VWA5B1: variants seen among roughly 807,000 people sequenced by gnomAD.
VWA5B1 encodes von Willebrand factor A domain-containing protein 5B1.
In VWA5B1, 115 loss-of-function variants were observed where a neutral mutation model predicts 118.2. That is an observed-to-expected ratio of 0.97 (90% CI 0.84 to 1.14). VWA5B1 has a LOEUF of 1.14. VWA5B1 is among the 50% of genes most tolerant of loss of function. The probability of loss-of-function intolerance (pLI) is 0.00; values close to 1 mark genes in which losing one functional copy is unlikely to be tolerated. For missense variants in VWA5B1, 1,596 were observed against 1,603.8 expected (o/e 1.00, Z 0.08); for synonymous variants, 682 against 658.4 (o/e 1.04, Z -0.55).
chr1:20,314,722 C>G, intron 4 of VWA5B1, 130 bp downstream of exon 4: 17 of 1,434,192 alleles, frequency 1.2e-5, no homozygotes, highest in Non-Finnish European at 1.6e-5. Context: ...ACGATTGCCA[C>G]CCTCTGAGCC....
intron 4 of VWA5B1, among the ~76,000 whole-genome samples, chr1:20,315,731 G>A (rs942348826): frequency 2.6e-5 from 4 of 152,318 alleles, no homozygotes; most frequent in South Asian, 4.1e-4. Flanking sequence ...TGTGGCTATC[G>A]CAGAGTGAGA....
intron 19 of VWA5B1, 136 bp downstream of exon 19, chr1:20,350,366 A>G: frequency 1.0e-6 from 1 of 974,292 alleles, no homozygotes; most frequent in Non-Finnish European, 1.5e-6. Context: ...CATGGGGAAT[A>G]GGATTATCCC....
At position 20,352,191 on chromosome 1, in the gene VWA5B1, G is replaced by A. The variant is rs1042089804; in HGVS notation, c.3141+19G>A. On this transcript the variant is annotated intron_variant, in intron 21 of 21. Coordinates refer to ENST00000289815, the MANE Select transcript of VWA5B1 (RefSeq NM_001039500.3). Reference sequence around the variant, plus strand: ...ACCTCTGGTGAGTGCCCTGACCCCAGGTGTCAGTCTCCCTCCGCTCCACTC... The same window carrying A: ...ACCTCTGGTGAGTGCCCTGACCCCAAGTGTCAGTCTCCCTCCGCTCCACTC... The A allele has an allele frequency of 7.2e-6, 11 of 1,538,436 alleles. No individual in the cohort carries two copies. In the Admixed American group the frequency reaches 1.4e-4, roughly 19 times the overall value.
In VWA5B1 at chr1:20,319,454, G is replaced by C. The variant is rs1401213959; in HGVS notation, c.914G>C (p.Gly305Ala). ...GGAGAGTTTGACCAGCACTTGAAGG[G>C]AAGAACAGATTTCATTAAAGGGATG... is the stretch of plus-strand genomic sequence containing the variant. ...TLGEFDQHLKGRTDFIKGMKK... is the reference protein window; with the variant it reads ...TLGEFDQHLKARTDFIKGMKK... The change falls in exon 7 of 22, where the codon GGA (glycine) becomes GCA (alanine). Residue 305 changes from glycine (G) to alanine (A), a missense_variant. By Grantham distance (60) the Gly-to-Ala change is moderately conservative. Coordinates refer to ENST00000289815, the MANE Select transcript of VWA5B1 (RefSeq NM_001039500.3). 1 of 1,551,816 alleles carries C rather than the reference G, an allele frequency of 6.4e-7. No individual in the cohort carries two copies. The highest frequency in any genetic ancestry group is 1.7e-4 in the Middle Eastern group (1 of 5,992).
In VWA5B1 at chr1:20,354,306, G is replaced by A; in HGVS notation, c.*43G>A. On this transcript the variant is annotated 3_prime_UTR_variant, in exon 22 of 22. Coordinates refer to ENST00000289815, the MANE Select transcript of VWA5B1 (RefSeq NM_001039500.3). ...TGGGTGGAGGGAAGGGTGGGGAGGA[G>A]AGGGATGGGCAGGGCCATGTCGGCC... 6.9e-7 allele frequency: 1 copy of A among 1,458,790 alleles called. No homozygotes were observed. Among genetic ancestry groups the A allele is most frequent in the Non-Finnish European group, 9.2e-7 (1 of 1,081,742 alleles). 90.4% of individuals were successfully genotyped at this position (1,458,790 alleles called of 1,614,324 possible). A position where few individuals can be genotyped will look rare whatever the true frequency, so the allele number is the denominator to read the frequency against.
At chr1:20,301,542 G>C (rs2088504328) in intron 1 of VWA5B1, among the ~76,000 whole-genome samples, 1 of 152,192 alleles carries the variant, frequency 6.6e-6, no homozygotes, top group East Asian at 1.9e-4. Context: ...GGCAGGCACA[G>C]CACAAGGATT....
At chr1:20,339,874 T>C (rs1282825022) in intron 14 of VWA5B1, among the ~76,000 whole-genome samples, 1 of 152,118 alleles carries the variant, frequency 6.6e-6, no homozygotes, top group Non-Finnish European at 1.5e-5. Flanking sequence ...ATCTACAAAA[T>C]GGGGAGAATA....
Position 20,348,448 on chromosome 1 carries a change from A to G in VWA5B1, c.2878+90A>G, listed in dbSNP as rs868260607. 5 of 1,325,978 alleles carry G rather than the reference A, an allele frequency of 3.8e-6. No individual in the cohort carries two copies. In the Middle Eastern group the frequency reaches 7.1e-4, roughly 189 times the overall value. The allele number at this position is 1,325,978 out of a possible 1,614,324, so 82.1% of individuals were successfully genotyped here. Reference sequence around the variant, plus strand: ...ACCGCGTCCTCCTGTCCGAGGCCCTAGGACCACTCTCTGAGTCTGCACTGT... The same window carrying G: ...ACCGCGTCCTCCTGTCCGAGGCCCTGGGACCACTCTCTGAGTCTGCACTGT... On this transcript the variant is annotated intron_variant, in intron 18 of 21. Transcript: ENST00000289815.
intron 14 of VWA5B1, chr1:20,338,198 C>A: frequency 2.4e-6 from 1 of 419,654 alleles, no homozygotes. Flanking sequence ...GGCACTTATC[C>A]AAGGTCACAC....
Position 20,332,862 on chromosome 1 carries a change from G to A in VWA5B1, c.1669G>A (p.Val557Ile), listed in dbSNP as rs1032767611. ...PETTEVLVSP[V>I]SASSLFPGER... ...GACCACTGAGGTCCTGGTCTCACCCGTCAGCGCCAGCTCCCTCTTCCCTGG... is the reference window on the plus strand; with the variant it reads ...GACCACTGAGGTCCTGGTCTCACCCATCAGCGCCAGCTCCCTCTTCCCTGG... Residue 557 changes from valine (V) to isoleucine (I), a missense_variant, in exon 12 of 22, where the codon GTC becomes ATC. By Grantham distance (29) the Val-to-Ile change is conservative. Transcript: ENST00000289815. 1.9e-5 allele frequency: 29 copies of A among 1,551,742 alleles called. No homozygotes were observed. The highest frequency in any genetic ancestry group is 4.1e-5 in the African/African-American group (3 of 73,060).
intron 12 of VWA5B1, among the ~76,000 whole-genome samples, chr1:20,333,959 A>G (rs34905880): frequency 0.25 from 38,065 of 152,134 alleles, 5,270 homozygotes; most frequent in East Asian, 0.39. Context: ...AAAGGGGCCA[A>G]TGCTGTGATG....
intron 1 of VWA5B1, among the ~76,000 whole-genome samples, chr1:20,304,291 G>T (rs1254984921): frequency 6.6e-6 from 1 of 152,190 alleles, no homozygotes; most frequent in Non-Finnish European, 1.5e-5. Flanking sequence ...AAGGCTTCCT[G>T]GAGGAGGTGG....
rs528931394 is a variant in VWA5B1, at chr1:20,338,018, C to T, written c.2133+182C>T. ...TCCGAGGACACCTTCCAAATCAGGA[C>T]ACCCACCGGTCAATAAGCTCGCTCA... On this transcript the variant is annotated intron_variant, in intron 14 of 21. Coordinates refer to ENST00000289815, the MANE Select transcript of VWA5B1 (RefSeq NM_001039500.3). 329 of 777,520 alleles carry T rather than the reference C, an allele frequency of 4.2e-4. 8 individuals are homozygous for T. In the Middle Eastern group the frequency reaches 5.1e-3, roughly 12 times the overall value. 48.2% of individuals were successfully genotyped at this position (777,520 alleles called of 1,614,324 possible).
At chr1:20,311,863 C>G (rs1010397290) in intron 2 of VWA5B1, among the ~76,000 whole-genome samples, 1 of 152,128 alleles carries the variant, frequency 6.6e-6, no homozygotes, top group Non-Finnish European at 1.5e-5. Flanking sequence ...GGCAAATGGC[C>G]CTGTTCCTCT....
intron 7 of VWA5B1, among the ~76,000 whole-genome samples, chr1:20,320,233 G>A (rs758394663): frequency 1.3e-5 from 2 of 152,260 alleles, no homozygotes; most frequent in Non-Finnish European, 2.9e-5. Flanking sequence ...GTAAGCTGGA[G>A]GAAGGGAAAG....
At chr1:20,348,508 C>G (rs1170306154) in intron 18 of VWA5B1, 150 bp downstream of exon 18, 2 of 785,392 alleles carry the variant, frequency 2.5e-6, no homozygotes, top group Non-Finnish European at 4.2e-6. Flanking sequence ...GCCAGTCCTC[C>G]CAGGCTCTCT....
intron 18 of VWA5B1, among the ~76,000 whole-genome samples, chr1:20,349,904 G>C (rs979019952): frequency 7.7e-4 from 117 of 152,204 alleles, no homozygotes; most frequent in Admixed American, 7.6e-3. Flanking sequence ...ATTTTGCCAA[G>C]TCCCCACAGC....
Position 20,312,890 on chromosome 1 carries a change from T to A in VWA5B1, c.194T>A (p.Val65Asp), listed in dbSNP as rs886172092. 27 of 1,551,530 alleles carry A rather than the reference T, an allele frequency of 1.7e-5. No homozygotes were observed. The highest frequency in any genetic ancestry group is 3.5e-6 in the Non-Finnish European group (4 of 1,146,992). Residue 65 changes from valine (V) to aspartate (D), a missense_variant, in exon 3 of 22, where the codon GTC (valine) becomes GAC (aspartate). By Grantham distance (152) the Val-to-Asp change is radical (BLOSUM62 -3). Coordinates refer to ENST00000289815, the MANE Select transcript of VWA5B1 (RefSeq NM_001039500.3). ...ACCACGGTGATCGGCTTTGAGGCAG[T>A]CATTGCCGACCGTGTCGTGACAGTA... is the stretch of plus-strand genomic sequence containing the variant. ...ECTTVIGFEA[V>D]IADRVVTVQI...
At chr1:20,346,820 G>A (rs999536403) in intron 17 of VWA5B1, among the ~76,000 whole-genome samples, 9 of 152,092 alleles carry the variant, frequency 5.9e-5, no homozygotes, top group Admixed American at 3.3e-4. Context: ...ATTAGCAGAC[G>A]TCCAGAAAGA....
Sources: gnomAD v4.1 joint callset for allele counts (sites outside exome capture counted in the v4.1 genomes callset) on GRCh38, gnomAD v4.1.1 for gene constraint, MANE v1.5 for transcripts, NCBI Gene and HGNC (gene_info 2026-07-23, HGNC 2026-07-21) for gene names.